The following FOCAD variants were observed in gnomAD, a reference collection of about 807,000 sequenced individuals.
FOCAD encodes the protein KIAA1797.
Under a neutral mutation model 225.6 loss-of-function variants are expected in FOCAD, and 198 were observed. That is an observed-to-expected ratio of 0.88 (90% CI 0.78 to 0.99). The LOEUF (loss-of-function observed/expected upper bound fraction) is 0.99, where lower values mean the gene tolerates loss of function less well. Ranked by LOEUF, FOCAD falls within the 50% of genes least tolerant of loss-of-function variation. The pLI is 0.00. For synonymous variants in FOCAD, 897 were observed against 755.0 expected (o/e 1.19, Z -3.08); for missense variants, 2,713 against 2,123.6 (o/e 1.28, Z -5.46).
Position 20,663,983 on chromosome 9 carries a change from G to A in FOCAD, c.-78+5157G>A, listed in dbSNP as rs2383147. Among the ~76,000 whole-genome samples the A allele has an allele frequency of 2.2e-3, 333 of 151,844 alleles. 1 individual carries two copies. Among genetic ancestry groups the A allele is most frequent in the African/African-American group, 7.8e-3 (324 of 41,364 alleles). On this transcript the variant is annotated intron_variant, in intron 2 of 45. Coordinates refer to the FOCAD transcript ENST00000380249. Reference sequence around the variant, plus strand: ...ACTTGTTTTCCCAGTTACCTATTTTGTGTTGTTATTTTGTCTTAATGAGAT... The same window carrying A: ...ACTTGTTTTCCCAGTTACCTATTTTATGTTGTTATTTTGTCTTAATGAGAT...
intron 5 of FOCAD, 87 bp from the exon 6 acceptor site, chr9:20,758,003 G>A (rs988492285): frequency 2.8e-6 from 2 of 725,378 alleles, no homozygotes; most frequent in Non-Finnish European, 4.5e-6. Flanking sequence ...TAGATGGTAG[G>A]TACTGGCTTC....
chr9:20,789,500 T>TG lies in FOCAD; in HGVS notation c.1348dup (p.Ala450GlyfsTer13), dbSNP rs773433316. Reference sequence around the variant, plus strand: ...TGCTTCCTATTACTGCTGTGATCCCTGCGCCTGCCTTTCTTCTGCTGGCTC... The same window carrying TG: ...TGCTTCCTATTACTGCTGTGATCCCTGGCGCCTGCCTTTCTTCTGCTGGCTC... On this transcript the variant is annotated frameshift_variant, in exon 11 of 44. Transcript: ENST00000338382. LOFTEE classifies it high-confidence loss of function. 14 of 1,614,000 alleles carry TG rather than the reference T, an allele frequency of 8.7e-6. No individual in the cohort carries two copies. Among genetic ancestry groups the TG allele is most frequent in the Non-Finnish European group, 1.2e-5 (14 of 1,179,980 alleles).
rs374966154 is a variant in FOCAD at position 20,923,789 on chromosome 9, C to A, written c.2961+21C>A. The stretch of plus-strand genomic sequence containing the variant: ...TGGAGGTTAGTTGGGGTGATTTAAA[C>A]AATTGGCTTTGATTATGTCTTTTTA... On this transcript the variant is annotated intron_variant, in intron 25 of 43. Transcript: ENST00000338382. The A allele has an allele frequency of 2.4e-5, 38 of 1,573,994 alleles. No homozygotes were observed. The African/African-American group carries it at 4.2e-4, about 17-fold the overall frequency.
intron 11 of FOCAD, among the ~76,000 whole-genome samples, chr9:20,796,056 C>T (rs545981009): frequency 2.0e-5 from 3 of 149,022 alleles, no homozygotes; most frequent in African/African-American, 7.4e-5. Context: ...TGAGTGAGAA[C>T]ATGCGGTGTT....
intron 19 of FOCAD, among the ~76,000 whole-genome samples, chr9:20,878,926 G>A (rs1830449047): frequency 6.6e-6 from 1 of 152,162 alleles, no homozygotes; most frequent in Non-Finnish European, 1.5e-5. Context: ...TCCAAAAGCA[G>A]CAGCAGAAGC....
chr9:20,874,896 G>C (rs1447601149), intron 19 of FOCAD, 89 bp downstream of exon 19: 1 of 1,500,112 alleles, frequency 6.7e-7, no homozygotes, highest in African/African-American at 1.4e-5. Flanking sequence ...ACATAGTATA[G>C]TTTAACCTTA....
intron 2 of FOCAD, among the ~76,000 whole-genome samples, chr9:20,660,375 C>G (rs940601133): frequency 1.3e-5 from 2 of 152,174 alleles, no homozygotes; most frequent in African/African-American, 2.4e-5. Flanking sequence ...AAGTTACTCT[C>G]AGCCAGGAAG....
chr9:20,919,816 A>G (rs890101850), intron 24 of FOCAD, among the ~76,000 whole-genome samples: 10 of 152,116 alleles, frequency 6.6e-5, no homozygotes, highest in Admixed American at 2.6e-4. Flanking sequence ...TTAATTCAAG[A>G]TGGATTAAAG....
intron 20 of FOCAD, 37 bp downstream of exon 20, chr9:20,882,093 T>G: frequency 6.4e-7 from 1 of 1,563,756 alleles, no homozygotes; most frequent in Non-Finnish European, 8.7e-7. Flanking sequence ...TACAGGTTTT[T>G]CATGTAATGA....
chr9:20,961,935 T>A (rs1838769170), intron 35 of FOCAD, among the ~76,000 whole-genome samples: 1 of 152,226 alleles, frequency 6.6e-6, no homozygotes, highest in Non-Finnish European at 1.5e-5. Flanking sequence ...CTTTAGTGTC[T>A]GTCTGATGTA....
chr9:20,715,346 A>T lies in FOCAD; in HGVS notation c.-8A>T, dbSNP rs890307345. 4 of 1,515,686 alleles carry T rather than the reference A, an allele frequency of 2.6e-6. No individual in the cohort carries two copies. In the African/African-American group the frequency reaches 5.5e-5, roughly 21 times the overall value. 93.9% of individuals were successfully genotyped at this position (1,515,686 alleles called of 1,614,324 possible). A position where few individuals can be genotyped will look rare whatever the true frequency, so the allele number is the denominator to read the frequency against. ...GAAGCTGCACACATACATGTAAGAG[A>T]AGCAAAAATGTCAGATGATATCAGG... is the stretch of plus-strand genomic sequence containing the variant. On this transcript the variant is annotated 5_prime_UTR_variant, in exon 2 of 44. Coordinates refer to ENST00000338382, the MANE Select transcript of FOCAD (RefSeq NM_001375567.1).
At chr9:20,716,464 A>T (rs573252195) in intron 2 of FOCAD, among the ~76,000 whole-genome samples, 45 of 152,274 alleles carry the variant, frequency 3.0e-4, no homozygotes, top group African/African-American at 1.0e-3. Context: ...AGTTTAGGCT[A>T]GTATCTCTGA....
intron 30 of FOCAD, 116 bp downstream of exon 30, chr9:20,946,936 G>A: frequency 2.3e-6 from 3 of 1,298,446 alleles, no homozygotes; most frequent in Non-Finnish European, 3.1e-6. Flanking sequence ...CTAGAACTGA[G>A]GAACTTCTAA....
intron 2 of FOCAD, among the ~76,000 whole-genome samples, chr9:20,678,792 G>C (rs1822312552): frequency 6.6e-6 from 1 of 152,166 alleles, no homozygotes; most frequent in East Asian, 1.9e-4. Context: ...TCTGCTTTCA[G>C]CTTAGGCGTG....
chr9:20,933,125 T>C, intron 28 of FOCAD, 22 bp downstream of exon 28: 1 of 1,548,884 alleles, frequency 6.5e-7, no homozygotes, highest in Non-Finnish European at 8.9e-7. Flanking sequence ...CTATTTCCAC[T>C]CTCACAGGTA....
chr9:20,811,624 A>G (rs1467800458), intron 11 of FOCAD, among the ~76,000 whole-genome samples: 4 of 152,090 alleles, frequency 2.6e-5, no homozygotes, highest in Admixed American at 2.0e-4. Flanking sequence ...GAGTAAGATT[A>G]TACTGTTTAC....
intron 2 of FOCAD, among the ~76,000 whole-genome samples, chr9:20,661,387 C>G (rs1187274664): frequency 6.6e-6 from 1 of 152,126 alleles, no homozygotes; most frequent in Non-Finnish European, 1.5e-5. Flanking sequence ...ATAAGATTGT[C>G]TCAAGACTGG....
At chr9:20,743,386 C>A (rs1827786683) in intron 5 of FOCAD, among the ~76,000 whole-genome samples, 1 of 152,158 alleles carries the variant, frequency 6.6e-6, no homozygotes, top group Non-Finnish European at 1.5e-5. Flanking sequence ...GTATTTCTTA[C>A]TTCTTTTTCT....
intron 37 of FOCAD, among the ~76,000 whole-genome samples, chr9:20,979,324 C>G (rs766731611): frequency 6.6e-6 from 1 of 152,004 alleles, no homozygotes; most frequent in Admixed American, 6.6e-5. Flanking sequence ...TGTCCCTATT[C>G]AGCCTTGTTT....
Sources: gnomAD v4.1 joint callset for allele counts (sites outside exome capture counted in the v4.1 genomes callset) on GRCh38, gnomAD v4.1.1 for gene constraint, MANE v1.5 for transcripts, NCBI Gene and HGNC (gene_info 2026-07-23, HGNC 2026-07-21) for gene names.